The following PCDHGB1 variants were observed in gnomAD, a reference collection of about 807,000 sequenced individuals.
PCDHGB1 encodes protocadherin gamma subfamily B, 1, also known as protocadherin gamma-B1.
A neutral mutation model predicts 56.6 loss-of-function variants in PCDHGB1; 34 were observed. That is an observed-to-expected ratio of 0.60 (90% CI 0.46 to 0.80). The LOEUF (loss-of-function observed/expected upper bound fraction) is 0.80, where lower values mean the gene tolerates loss of function less well. Ranked by LOEUF, PCDHGB1 falls within the 30% of genes least tolerant of loss-of-function variation. The pLI is 0.00. For missense variants in PCDHGB1, 1,278 were observed against 1,204.6 expected (o/e 1.06, Z -0.90); for synonymous variants, 561 against 505.9 (o/e 1.11, Z -1.46).
chr5:141,470,016 C>T (rs116065751), intron 1 of PCDHGB1, among the ~76,000 whole-genome samples: 69 of 152,264 alleles, frequency 4.5e-4, no homozygotes, highest in Non-Finnish European at 7.2e-4. Flanking sequence ...GTAATCCCAG[C>T]TACTCGGGAT....
At chr5:141,422,138 T>G (rs1201680879) in intron 1 of PCDHGB1, 1 of 1,587,640 alleles carries the variant, frequency 6.3e-7, no homozygotes, top group Admixed American at 1.9e-5. Context: ...GAAGTTCAAG[T>G]ACGGGGGTCT....
chr5:141,355,074 C>A, intron 1 of PCDHGB1: 1 of 1,383,750 alleles, frequency 7.2e-7, no homozygotes, highest in East Asian at 2.4e-5. Context: ...TTTATGAAAG[C>A]TTCAAGCGGA....
intron 1 of PCDHGB1, chr5:141,418,417 T>C: frequency 6.2e-7 from 1 of 1,614,002 alleles, no homozygotes; most frequent in Non-Finnish European, 8.5e-7. Flanking sequence ...AAGACAATCC[T>C]GATGGTGGCA....
At chr5:141,389,254 T>C (rs1589085552) in intron 1 of PCDHGB1, 1 of 1,614,012 alleles carries the variant, frequency 6.2e-7, no homozygotes. Flanking sequence ...TCCTATATAG[T>C]CCACGTGGCC....
chr5:141,490,641 G>A lies in PCDHGB1; in HGVS notation c.2410-4166G>A. 3 of 1,614,160 alleles carry A rather than the reference G, an allele frequency of 1.9e-6. No homozygotes were observed. On this transcript the variant is annotated intron_variant, in intron 1 of 3. Transcript: ENST00000523390. This position sits in a 1 kb window ranked among gnomAD's most constrained non-coding sequence, Gnocchi z 5.4. Reference sequence around the variant, plus strand: ...ACACTGCTTACATCCTAGAAAACCGGCCTCCGGGCTCCCTTCTTTGCACTG... The same window carrying A: ...ACACTGCTTACATCCTAGAAAACCGACCTCCGGGCTCCCTTCTTTGCACTG...
At chr5:141,414,899 G>T (rs756810046) in intron 1 of PCDHGB1, 1 of 1,614,182 alleles carries the variant, frequency 6.2e-7, no homozygotes, top group Non-Finnish European at 8.5e-7. Context: ...CCCACAGACG[G>T]TTCCACAGGC....
chr5:141,500,188 A>T (rs182086759), intron 2 of PCDHGB1, among the ~76,000 whole-genome samples: 173 of 98,190 alleles, frequency 1.8e-3, no homozygotes, highest in African/African-American at 4.0e-3. Flanking sequence ...TTTTATTTTT[A>T]TTTATTTATT....
chr5:141,418,151 G>A (rs1276817622), intron 1 of PCDHGB1: 4 of 1,613,990 alleles, frequency 2.5e-6, no homozygotes, highest in East Asian at 4.5e-5. Context: ...AATATGCAAA[G>A]AGAGAAGAAG....
rs1433554231 is a variant in PCDHGB1, at chr5:141,352,636, C to T, written c.2376C>T (p.His792=). The stretch of plus-strand genomic sequence containing the variant: ...TTGTATGTGCCAGTAATGAAGATCA[C>T]AAAATCGCTTATGACCCTTCTTTGT... ...SMVVCASNED[H]KIAYDPSLSS... Residue 792 remains histidine (H), a synonymous_variant, in exon 1 of 4, where the codon CAC becomes CAT. Coordinates refer to ENST00000523390, the MANE Select transcript of PCDHGB1 (RefSeq NM_018922.3). 7 of 1,609,730 alleles carry T rather than the reference C, an allele frequency of 4.3e-6. No homozygotes were observed. The highest frequency in any genetic ancestry group is 5.9e-6 in the Non-Finnish European group (7 of 1,177,632).
chr5:141,460,172 G>T (rs545017378), intron 1 of PCDHGB1, among the ~76,000 whole-genome samples: 1 of 151,852 alleles, frequency 6.6e-6, no homozygotes, highest in South Asian at 2.1e-4. Flanking sequence ...ATATTTTGTG[G>T]ATATTTTATC....
intron 1 of PCDHGB1, among the ~76,000 whole-genome samples, chr5:141,456,859 A>C (rs2098893194): frequency 6.6e-6 from 1 of 152,152 alleles, no homozygotes; most frequent in Admixed American, 6.6e-5. Context: ...GCTAATTGGG[A>C]GGCTGAGGCA....
chr5:141,355,330 G>A (rs1759801275), intron 1 of PCDHGB1: 2 of 1,614,036 alleles, frequency 1.2e-6, no homozygotes, highest in Non-Finnish European at 1.7e-6. Flanking sequence ...AGAAGGCTCA[G>A]TGGTGGGCAA....
intron 1 of PCDHGB1, chr5:141,412,984 C>A: frequency 1.8e-6 from 1 of 558,874 alleles, no homozygotes; most frequent in Non-Finnish European, 3.0e-6. Context: ...GCAGCCAGAG[C>A]TCAATCCGGA....
In PCDHGB1 at chr5:141,486,890, G is replaced by T; in HGVS notation, c.2410-7917G>T. On this transcript the variant is annotated intron_variant, in intron 1 of 3. Coordinates refer to ENST00000523390, the MANE Select transcript of PCDHGB1 (RefSeq NM_018922.3). The surrounding 1 kb of genome is among the most constrained non-coding windows in gnomAD (Gnocchi z 5.0). ...TGTGCTCCGTCCTCGGGCCCGGCCT[G>T]GTTCCTTATGTCCCCAAGCACTGCC... 6.2e-7 allele frequency: 1 copy of T among 1,614,242 alleles called. No individual in the cohort carries two copies. The highest frequency in any genetic ancestry group is 8.5e-7 in the Non-Finnish European group (1 of 1,180,048).
At chr5:141,423,090 G>A in intron 1 of PCDHGB1, 2 of 1,614,022 alleles carry the variant, frequency 1.2e-6, no homozygotes, top group Non-Finnish European at 1.7e-6. Flanking sequence ...TCGCGGTGGG[G>A]GAGCACACGG....
intron 1 of PCDHGB1, chr5:141,390,448 A>C (rs1023664408): frequency 3.5e-6 from 3 of 845,190 alleles, no homozygotes; most frequent in Non-Finnish European, 5.4e-6. Context: ...ACAAAGGAGG[A>C]GTAAAGTAGG....
intron 1 of PCDHGB1, among the ~76,000 whole-genome samples, chr5:141,446,022 T>C (rs2098484874): frequency 1.3e-5 from 2 of 152,198 alleles, no homozygotes; most frequent in Admixed American, 1.3e-4. Flanking sequence ...TATGGCAATA[T>C]TCCTGGTAAG....
chr5:141,434,026 A>G (rs2154556044), intron 1 of PCDHGB1, among the ~76,000 whole-genome samples: 1 of 152,236 alleles, frequency 6.6e-6, no homozygotes, highest in Admixed American at 6.5e-5. Flanking sequence ...TGATTCTGGA[A>G]GCATGGTTTT....
chr5:141,464,343 A>C (rs944042669), intron 1 of PCDHGB1, among the ~76,000 whole-genome samples: 7 of 151,212 alleles, frequency 4.6e-5, no homozygotes, highest in African/African-American at 1.5e-4. Context: ...ATGACTTGTC[A>C]TTTAGGTAGT....
Sources: allele counts gnomAD v4.1 joint callset (sites outside exome capture counted in the v4.1 genomes callset), GRCh38; gene constraint gnomAD v4.1.1; non-coding constraint Gnocchi (gnomAD v3.1); transcripts MANE v1.5; gene names NCBI Gene and HGNC (gene_info 2026-07-23, HGNC 2026-07-21).